The following WRN variants were observed in gnomAD, a reference collection of about 807,000 sequenced individuals.
The protein encoded by WRN is WRN RecQ like helicase, also known as bifunctional 3'-5' exonuclease/ATP-dependent helicase WRN.
Under a neutral mutation model 180.7 loss-of-function variants are expected in WRN, and 149 were observed. The ratio of observed to expected loss-of-function variants is 0.82; its 90% confidence interval spans 0.72 to 0.94. The LOEUF is 0.94. Ranked by LOEUF, WRN falls within the 40% of genes least tolerant of loss-of-function variation. The pLI is 0.00. For synonymous variants in WRN, 548 were observed against 568.9 expected (o/e 0.96, Z 0.52); for missense variants, 1,661 against 1,700.1 (o/e 0.98, Z 0.40).
intron 30 of WRN, among the ~76,000 whole-genome samples, chr8:31,148,909 A>G (rs778763434): frequency 3.4e-4 from 51 of 152,204 alleles, no homozygotes; most frequent in Admixed American, 9.2e-4. Context: ...ATGCCTCATA[A>G]ACAGGAGGTG....
At chr8:31,036,735 A>G (rs1437216793) in intron 1 of WRN, among the ~76,000 whole-genome samples, 1 of 151,964 alleles carries the variant, frequency 6.6e-6, no homozygotes, top group East Asian at 1.9e-4. Flanking sequence ...GAGTTGTTTG[A>G]CATCCTTAAA....
intron 1 of WRN, among the ~76,000 whole-genome samples, chr8:31,054,648 A>G (rs996577619): frequency 2.0e-5 from 3 of 152,248 alleles, no homozygotes; most frequent in Admixed American, 2.0e-4. Context: ...GTCCAAAGCA[A>G]ATCATAATAC....
At chr8:31,105,428 G>A (rs1801059240) in intron 18 of WRN, among the ~76,000 whole-genome samples, 1 of 150,962 alleles carries the variant, frequency 6.6e-6, no homozygotes, top group Non-Finnish European at 1.5e-5. Context: ...TCATTTTCTT[G>A]GTCATTTCAC....
intron 24 of WRN, 138 bp from the exon 25 acceptor site, chr8:31,141,292 G>T (rs988958285): frequency 1.6e-5 from 16 of 1,006,364 alleles, no homozygotes; most frequent in East Asian, 1.0e-4. Flanking sequence ...GAATGAGCAC[G>T]ATGGGTATAA....
At chr8:31,139,478 C>T (rs772826516) in intron 24 of WRN, among the ~76,000 whole-genome samples, 1 of 152,126 alleles carries the variant, frequency 6.6e-6, no homozygotes, top group Non-Finnish European at 1.5e-5. Context: ...CAAAATAGTT[C>T]ACCAAGGGAG....
chr8:31,043,091 T>A (rs545941951), intron 1 of WRN, among the ~76,000 whole-genome samples: 2 of 152,354 alleles, frequency 1.3e-5, no homozygotes, highest in South Asian at 4.1e-4. Flanking sequence ...AGAGTGGCCT[T>A]CAGGCAAGTT....
At chr8:31,128,858 CAAAA>C (rs201367155) in intron 23 of WRN, among the ~76,000 whole-genome samples, 1 of 151,452 alleles carries the variant, frequency 6.6e-6, no homozygotes, top group Non-Finnish European at 1.5e-5. Context: ...GACTCTGTCT[CAAAA>C]AAAACCAACC....
Position 31,150,340 on chromosome 8 carries a change from G to A in WRN, c.3573-1G>A. On this transcript the variant is annotated splice_acceptor_variant, in intron 30 of 34. Coordinates refer to ENST00000298139, the MANE Select transcript of WRN (RefSeq NM_000553.6). LOFTEE classifies it high-confidence loss of function. Reference sequence around the variant, plus strand: ...GTTGTTGTTGTTGTTGTTAAACACAGACCAACTACGGTTGAAAACGTAAAA... The same window carrying A: ...GTTGTTGTTGTTGTTGTTAAACACAAACCAACTACGGTTGAAAACGTAAAA... 6.2e-7 allele frequency: 1 copy of A among 1,613,402 alleles called. No homozygotes were observed. The highest frequency in any genetic ancestry group is 8.5e-7 in the Non-Finnish European group (1 of 1,179,356).
rs1383399541 is a variant in WRN at position 31,174,410 on chromosome 8, CA to C, written c.*1309del. On this transcript the variant is annotated 3_prime_UTR_variant, in exon 35 of 35. Coordinates refer to ENST00000298139, the MANE Select transcript of WRN (RefSeq NM_000553.6). ...GCCAATTGAATTTGCTGCTTTTTTT[CA>C]TGGCTTGCCATTTTCACTGAAAAGA... Among the ~76,000 whole-genome samples, 2 of 152,186 alleles carry C rather than the reference CA, an allele frequency of 1.3e-5. No individual in the cohort carries two copies. Among genetic ancestry groups the C allele is most frequent in the African/African-American group, 2.4e-5 (1 of 41,464 alleles).
intron 8 of WRN, among the ~76,000 whole-genome samples, chr8:31,080,056 T>C (rs1056920883): frequency 3.3e-5 from 5 of 152,162 alleles, no homozygotes; most frequent in African/African-American, 2.4e-5. Flanking sequence ...AATTTTTGTA[T>C]TTTTAGTAGA....
chr8:31,109,166 A>G (rs1261868604), intron 18 of WRN, among the ~76,000 whole-genome samples: 2 of 152,212 alleles, frequency 1.3e-5, no homozygotes, highest in African/African-American at 4.8e-5. Flanking sequence ...ACATGCAAGA[A>G]TAAGTTTACA....
chr8:31,117,324 T>A (rs938844740), intron 20 of WRN, among the ~76,000 whole-genome samples: 1 of 136,542 alleles, frequency 7.3e-6, no homozygotes, highest in Non-Finnish European at 1.6e-5. Flanking sequence ...GAAAACCATC[T>A]TGATGTACTA....
At chr8:31,061,196 T>G (rs2130015921) in intron 3 of WRN, among the ~76,000 whole-genome samples, 1 of 152,260 alleles carries the variant, frequency 6.6e-6, no homozygotes, top group Admixed American at 6.5e-5. Flanking sequence ...TTTGAATAGC[T>G]TGAATAGTTT....
At chr8:31,041,122 A>G (rs544770886) in intron 1 of WRN, among the ~76,000 whole-genome samples, 1 of 152,280 alleles carries the variant, frequency 6.6e-6, no homozygotes, top group South Asian at 2.1e-4. Context: ...CTCTATCTGT[A>G]TTTCTGTCTC....
At chr8:31,049,399 G>T (rs1237418828) in intron 1 of WRN, among the ~76,000 whole-genome samples, 1 of 151,486 alleles carries the variant, frequency 6.6e-6, no homozygotes, top group Non-Finnish European at 1.5e-5. Flanking sequence ...GGGCATGGTG[G>T]CATGTGCCTG....
rs910923814 is a variant in WRN, at chr8:31,059,906, A to G, written c.209+641A>G. 2.3e-4 allele frequency among the ~76,000 whole-genome samples: 35 copies of G among 152,136 alleles called. 1 individual carries two copies. The highest frequency in any genetic ancestry group is 8.4e-4 in the African/African-American group (35 of 41,430). ...ACCGTCTCTACTAAAAATACAAAAAATTAGCCAGGTGTGGTGGCGTGCGCC... is the reference window on the plus strand; with the variant it reads ...ACCGTCTCTACTAAAAATACAAAAAGTTAGCCAGGTGTGGTGGCGTGCGCC... On this transcript the variant is annotated intron_variant, in intron 3 of 34. Transcript: ENST00000298139.
intron 3 of WRN, among the ~76,000 whole-genome samples, chr8:31,063,800 G>T (rs891302550): frequency 1.3e-5 from 2 of 152,062 alleles, no homozygotes; most frequent in Admixed American, 6.6e-5. Flanking sequence ...CATAGCTCAC[G>T]CTAACCTCGA....
At chr8:31,106,594 A>G (rs1371902566) in intron 18 of WRN, among the ~76,000 whole-genome samples, 1 of 151,576 alleles carries the variant, frequency 6.6e-6, no homozygotes, top group Non-Finnish European at 1.5e-5. Context: ...TTTCCCCCAC[A>G]TTGTCTATAG....
At chr8:31,042,105 A>G (rs1218371661) in intron 1 of WRN, among the ~76,000 whole-genome samples, 1 of 152,204 alleles carries the variant, frequency 6.6e-6, no homozygotes, top group Non-Finnish European at 1.5e-5. Context: ...TTGAGTTTCT[A>G]GAGGGAATGA....
Sources: gnomAD v4.1 joint callset for allele counts (sites outside exome capture counted in the v4.1 genomes callset) on GRCh38, gnomAD v4.1.1 for gene constraint, MANE v1.5 for transcripts, NCBI Gene and HGNC (gene_info 2026-07-23, HGNC 2026-07-21) for gene names.